The following TTR variants were observed in gnomAD, a reference collection of about 807,000 sequenced individuals.
The protein encoded by TTR is transthyretin.
A neutral mutation model predicts 13.7 loss-of-function variants in TTR; 8 were observed. That is an observed-to-expected ratio of 0.58 (90% CI 0.34 to 1.05). TTR has a LOEUF of 1.05. TTR is among the 50% of genes least tolerant of loss of function. The pLI is 0.02. For synonymous variants in TTR, 75 were observed against 71.7 expected (o/e 1.05, Z -0.23); for missense variants, 135 against 185.5 (o/e 0.73, Z 1.58).
chr18:31,594,203 CA>C (rs1404561125), intron 2 of TTR, among the ~76,000 whole-genome samples: 1 of 151,844 alleles, frequency 6.6e-6, no homozygotes, highest in Non-Finnish European at 1.5e-5. Flanking sequence ...TCAGTAAAGA[CA>C]ACTGCTATTT....
rs2073493221 is a variant in TTR, at chr18:31,592,929, A to C, written c.103A>C (p.Lys35Gln). 1.2e-6 allele frequency: 2 copies of C among 1,614,104 alleles called. No individual in the cohort carries two copies. Reference sequence around the variant, plus strand: ...TGAATCCAAGTGTCCTCTGATGGTCAAAGTTCTAGATGCTGTCCGAGGCAG... The same window carrying C: ...TGAATCCAAGTGTCCTCTGATGGTCCAAGTTCTAGATGCTGTCCGAGGCAG... ...TGESKCPLMV[K>Q]VLDAVRGSPA... The change falls in exon 2 of 4, where the codon AAA becomes CAA. Residue 35 changes from lysine (K) to glutamine (Q), a missense_variant. Lys to Gln is a moderately conservative substitution (Grantham distance 53). Transcript: ENST00000237014.
intron 3 of TTR, chr18:31,596,094 A>T (rs2144410797): frequency 6.4e-6 from 1 of 155,144 alleles, no homozygotes; most frequent in East Asian, 1.9e-4. Flanking sequence ...ATCTTCAAAC[A>T]GTTATACATG....
chr18:31,596,390 C>T (rs915349162), intron 3 of TTR, among the ~76,000 whole-genome samples: 3 of 152,080 alleles, frequency 2.0e-5, no homozygotes, highest in African/African-American at 2.4e-5. Flanking sequence ...AGGAGCATGT[C>T]CCTGACTACC....
chr18:31,593,314 A>T (rs867685864), intron 2 of TTR: 1 of 370,146 alleles, frequency 2.7e-6, no homozygotes, highest in African/African-American at 2.1e-5. Flanking sequence ...AGAACACTTT[A>T]TGTAGGTGAT....
At position 31,591,878 on chromosome 18, in the gene TTR, C is replaced by G; in HGVS notation, c.-25C>G. 1 of 1,613,062 alleles carries G rather than the reference C, an allele frequency of 6.2e-7. No individual in the cohort carries two copies. Among genetic ancestry groups the G allele is most frequent in the South Asian group, 1.1e-5 (1 of 91,052 alleles). The stretch of plus-strand genomic sequence containing the variant: ...AGCCCCAGGCTGGGAGCAGCCATCA[C>G]AGAAGTCCACTCATTCTTGGCAGGA... On this transcript the variant is annotated 5_prime_UTR_variant, in exon 1 of 4. Transcript: ENST00000237014.
At chr18:31,594,462 A>G (rs573204535) in intron 2 of TTR, among the ~76,000 whole-genome samples, 1 of 152,334 alleles carries the variant, frequency 6.6e-6, no homozygotes, top group African/African-American at 2.4e-5. Context: ...TCACACCACA[A>G]GGGAGAGGAG....
intron 2 of TTR, 150 bp downstream of exon 2, chr18:31,593,176 C>T: frequency 8.6e-7 from 1 of 1,166,962 alleles, no homozygotes; most frequent in Non-Finnish European, 1.2e-6. Context: ...CTGAAGGATG[C>T]CCTCTTTTTG....
intron 2 of TTR, chr18:31,593,478 T>G (rs1598844399): frequency 4.0e-6 from 1 of 247,056 alleles, no homozygotes; most frequent in Non-Finnish European, 8.0e-6. Flanking sequence ...AAAGGTATAA[T>G]GTGTATTAAC....
chr18:31,595,229 A>C lies in TTR; in HGVS notation c.310A>C (p.Ile104Leu), dbSNP rs781345808. The change falls in exon 3 of 4, where the codon ATC (isoleucine) becomes CTC (leucine). Residue 104 changes from isoleucine (I) to leucine (L), a missense_variant. Transcript: ENST00000237014. The stretch of plus-strand genomic sequence containing the variant: ...CAAATCTTACTGGAAGGCACTTGGC[A>C]TCTCCCCATTCCATGAGCATGCAGA... ...DTKSYWKALG[I>L]SPFHEHAEVV... is the part of the protein sequence containing the mutation. 1 of 1,614,188 alleles carries C rather than the reference A, an allele frequency of 6.2e-7. No individual in the cohort carries two copies. Among genetic ancestry groups the C allele is most frequent in the Non-Finnish European group, 8.5e-7 (1 of 1,180,032 alleles).
chr18:31,592,051 C>G, intron 1 of TTR, 80 bp downstream of exon 1: 1 of 1,486,612 alleles, frequency 6.7e-7, no homozygotes. Flanking sequence ...CCAGCTTTGC[C>G]AACCAGCTTT....
At chr18:31,593,517 ATAT>A (rs2073497670) in intron 2 of TTR, 1 of 169,814 alleles carries the variant, frequency 5.9e-6, no homozygotes, top group South Asian at 1.5e-4. Context: ...GAATTCAGAA[ATAT>A]TATTAACCAG....
intron 2 of TTR, among the ~76,000 whole-genome samples, chr18:31,594,644 A>G (rs745443851): frequency 2.6e-5 from 4 of 152,150 alleles, no homozygotes; most frequent in Non-Finnish European, 4.4e-5. Flanking sequence ...TGGGCATATC[A>G]TCTGAGGTCA....
chr18:31,596,502 G>A (rs1038006079), intron 3 of TTR, among the ~76,000 whole-genome samples: 20 of 152,190 alleles, frequency 1.3e-4, no homozygotes, highest in Middle Eastern at 3.4e-3. Flanking sequence ...CCCTACCCTC[G>A]AGTAATAGAT....
chr18:31,597,122 G>C (rs1470274307), intron 3 of TTR: 1 of 151,824 alleles, frequency 6.6e-6, no homozygotes, highest in African/African-American at 2.4e-5. Context: ...TCAGCTCACT[G>C]CAACCTCCGC....
At chr18:31,593,388 G>C (rs554940721) in intron 2 of TTR, 22 of 280,038 alleles carry the variant, frequency 7.9e-5, no homozygotes, top group African/African-American at 4.8e-4. Context: ...AATCATATAT[G>C]TGATTTTAGG....
intron 1 of TTR, 134 bp from the exon 2 acceptor site, chr18:31,592,762 G>T: frequency 1.7e-6 from 2 of 1,195,788 alleles, no homozygotes; most frequent in South Asian, 2.6e-5. Flanking sequence ...CTCATTAATT[G>T]TCGACACTTA....
chr18:31,598,476 T>C (rs770821936), intron 3 of TTR, 92 bp from the exon 4 acceptor site: 3 of 1,187,548 alleles, frequency 2.5e-6, no homozygotes, highest in South Asian at 2.5e-5. Flanking sequence ...ATTAATTAAG[T>C]TGGCACTGGA....
At chr18:31,595,470 C>A (rs1181804723) in intron 3 of TTR, 2 of 685,756 alleles carry the variant, frequency 2.9e-6, no homozygotes, top group Non-Finnish European at 5.3e-6. Context: ...AGTAACATGA[C>A]TTGAACTTAC....
chr18:31,596,594 G>T (rs552457901), intron 3 of TTR, among the ~76,000 whole-genome samples: 59 of 151,910 alleles, frequency 3.9e-4, no homozygotes, highest in African/African-American at 1.3e-3. Context: ...CTGACATACT[G>T]CCCACATGTT....
Sources: gnomAD v4.1 joint callset for allele counts (sites outside exome capture counted in the v4.1 genomes callset) on GRCh38, gnomAD v4.1.1 for gene constraint, MANE v1.5 for transcripts, NCBI Gene and HGNC (gene_info 2026-07-23, HGNC 2026-07-21) for gene names.